The following RHBDF1 variants were observed in gnomAD, a reference collection of about 807,000 sequenced individuals.
The protein encoded by RHBDF1 is rhomboid 5 homolog 1.
RHBDF1 carries 80 observed loss-of-function variants against 98.6 expected under a neutral mutation model. The observed-to-expected ratio is 0.81, with a 90% CI of 0.68 to 0.98. RHBDF1 has a LOEUF of 0.98. Among genes scored for constraint, RHBDF1 ranks in the 50% least tolerant of loss-of-function variants. The pLI, the probability that RHBDF1 is intolerant of heterozygous loss-of-function variation, is 0.00. For synonymous variants in RHBDF1, 512 were observed against 486.8 expected, an observed-to-expected ratio of 1.05 and a Z score of -0.68; for missense variants, 1,116 against 1,198.3, an observed-to-expected ratio of 0.93 and a Z score of 1.01.
chr16:62,422 A>G (rs1421716369), intron 7 of RHBDF1, 116 bp downstream of exon 7: 2 of 1,366,856 alleles, frequency 1.5e-6, no homozygotes, highest in Non-Finnish European at 2.0e-6. Context: ...GTGAGTTCCC[A>G]GTCCCTGAGG....
intron 13 of RHBDF1, 152 bp from the exon 14 acceptor site, chr16:59,978 T>A (rs1897546798): frequency 6.7e-7 from 1 of 1,486,876 alleles, no homozygotes; most frequent in South Asian, 1.4e-5. Flanking sequence ...ACTGAGTCTC[T>A]ATCAAACTGG....
At position 63,631 on chromosome 16, in the gene RHBDF1, G is replaced by A. The variant is rs549798566; in HGVS notation, c.418C>T (p.Pro140Ser). 8.0e-5 allele frequency: 127 copies of A among 1,591,872 alleles called. 2 individuals carry two copies. The highest frequency in any genetic ancestry group is 7.8e-4 in the South Asian group (70 of 89,240). ...DNVSLTSTET[P>S]PPLYVGPCQL... ...CATGGCCCCACGTAGAGTGGGGGTG[G>A]CGTCTCGGTGCTGGTCAGCGACACG... Residue 140 changes from proline to serine, a missense_variant, in exon 4 of 18, where the codon CCA (proline) becomes TCA (serine). Transcript: ENST00000262316.
Position 64,729 on chromosome 16 carries a change from C to T in RHBDF1, c.218G>A (p.Arg73His), listed in dbSNP as rs138142025. ...HHELRRPVLQRQTSITQTIRR... is the reference protein window; with the variant it reads ...HHELRRPVLQHQTSITQTIRR... ...GATGGTCTGTGTGATGGACGTCTGG[C>T]GTTGCAGCACCGGCCGCCGGAGCTC... is the stretch of plus-strand genomic sequence containing the variant. The change falls in exon 3 of 18, where the codon CGC (arginine) becomes CAC (histidine). Residue 73 changes from arginine (R) to histidine (H), a missense_variant. Transcript: ENST00000262316. 41 of 1,613,378 alleles carry T rather than the reference C, an allele frequency of 2.5e-5. No individual in the cohort carries two copies. The highest frequency in any genetic ancestry group is 1.2e-4 in the African/African-American group (9 of 75,026).
In RHBDF1 at chr16:58,285, G is replaced by T; in HGVS notation, c.*55C>A. The T allele has an allele frequency of 6.4e-7, 1 of 1,551,288 alleles. No homozygotes were observed. The highest frequency in any genetic ancestry group is 8.7e-7 in the Non-Finnish European group (1 of 1,143,822). On this transcript the variant is annotated 3_prime_UTR_variant, in exon 18 of 18. Coordinates refer to ENST00000262316, the MANE Select transcript of RHBDF1 (RefSeq NM_022450.5). ...CTGTAAGCCTGTGAGGCTCAGGGAG[G>T]TCGTGTCTGGCTCTGGCCTGCTGGA...
chr16:63,060 G>A lies in RHBDF1; in HGVS notation c.585C>T (p.Ser195=). 1 of 1,612,882 alleles carries A rather than the reference G, an allele frequency of 6.2e-7. No homozygotes were observed. The highest frequency in any genetic ancestry group is 8.5e-7 in the Non-Finnish European group (1 of 1,179,792). The change falls in exon 5 of 18, where the codon TCC becomes TCT. Residue 195 remains serine, a synonymous_variant. Transcript: ENST00000262316. ...GCGGGAGCCGGTGGAAACCTGAGCG[G>A]GAGCTGGAGAAGGAGCAGAGGGAGG... The part of the protein sequence containing the change: ...GAASLCSFSS[S]RSGFHRLPRR...
In RHBDF1 at chr16:64,929, G is replaced by T. The variant is rs376176351; in HGVS notation, c.87C>A (p.Pro29=). The part of the protein sequence containing the change: ...WLKLDIPSAV[P]LTAEEPSFLQ... ...GGAAGCTGGGCTCTTCTGCCGTCAG[G>T]GGCACCGCAGAGGGAATGTCCAGCT... is the stretch of plus-strand genomic sequence containing the variant. Residue 29 remains proline (P), a synonymous_variant, in exon 2 of 18, where the codon CCC becomes CCA. Coordinates refer to ENST00000262316, the MANE Select transcript of RHBDF1 (RefSeq NM_022450.5). 114 of 1,602,246 alleles carry T rather than the reference G, an allele frequency of 7.1e-5. No individual in the cohort carries two copies. The highest frequency in any genetic ancestry group is 1.7e-4 in the Middle Eastern group (1 of 6,036).
At chr16:72,721 C>T, upstream of RHBDF1, 1 of 983,728 alleles carries the variant, frequency 1.0e-6, no homozygotes, top group Non-Finnish European at 1.2e-6. Context: ...CGCCGCCCGC[C>T]TGCCCGGCCC....
chr16:61,841 C>T lies in RHBDF1; in HGVS notation c.1165G>A (p.Asp389Asn). ...TCGATCTGGCGCTTGACGAAGCTGT[C>T]GATGCGCTTGCGGTAGGTGCGGTTG... ...LTNRTYRKRI[D>N]SFVKRQIEDM... The change falls in exon 8 of 18, where the codon GAC (aspartate) becomes AAC (asparagine). Residue 389 changes from aspartate (D) to asparagine (N), a missense_variant. By Grantham distance (23) the Asp-to-Asn change is conservative. Transcript: ENST00000262316. 1 of 1,612,332 alleles carries T rather than the reference C, an allele frequency of 6.2e-7. No homozygotes were observed. Among genetic ancestry groups the T allele is most frequent in the Non-Finnish European group, 8.5e-7 (1 of 1,179,796 alleles).
intron 4 of RHBDF1, 37 bp from the exon 5 acceptor site, chr16:63,219 G>A (rs1002728629): frequency 2.0e-6 from 3 of 1,501,622 alleles, no homozygotes; most frequent in East Asian, 4.9e-5. Context: ...TCAGGACCAT[G>A]GGGGCTCCTA....
intron 2 of RHBDF1, 31 bp downstream of exon 2, chr16:64,868 G>T (rs1318017791): frequency 6.2e-7 from 1 of 1,613,906 alleles, no homozygotes; most frequent in Admixed American, 1.7e-5. Flanking sequence ...TGGACAGGGG[G>T]CACCCACAGT....
chr16:67,975 C>T (rs995228041), intron 1 of RHBDF1, among the ~76,000 whole-genome samples: 9 of 151,932 alleles, frequency 5.9e-5, no homozygotes, highest in South Asian at 2.1e-4. Flanking sequence ...CTGTTTCGGC[C>T]GGGGACCACA....
At chr16:74,777 A>G (rs1898053486), upstream of RHBDF1, 1 of 151,254 alleles carries the variant, frequency 6.6e-6, no homozygotes, top group South Asian at 2.1e-4. Context: ...TACCTTGTGA[A>G]ATTCCTTCTC....
Position 59,245 on chromosome 16 carries a change from T to C in RHBDF1, c.1994+4A>G. 6.3e-7 allele frequency: 1 copy of C among 1,598,012 alleles called. No homozygotes were observed. The highest frequency in any genetic ancestry group is 8.5e-7 in the Non-Finnish European group (1 of 1,170,548). The stretch of plus-strand genomic sequence containing the variant: ...CCCCCGACCCGGCCCACAGTGTCAC[T>C]TGCCCGGCGTGCAGGAAGAGGGATA... On this transcript the variant is annotated splice_donor_region_variant and intron_variant, in intron 16 of 17. Coordinates refer to ENST00000262316, the MANE Select transcript of RHBDF1 (RefSeq NM_022450.5).
chr16:58,747 C>G lies in RHBDF1; in HGVS notation c.2161G>C (p.Gly721Arg). Residue 721 changes from glycine (G) to arginine (R), a missense_variant, in exon 18 of 18, where the codon GGC (glycine) becomes CGC (arginine). Physicochemically the swap from Gly to Arg is moderately radical, Grantham distance 125. Coordinates refer to ENST00000262316, the MANE Select transcript of RHBDF1 (RefSeq NM_022450.5). ...CAGGCCAGGATGCCGAACTGGGAGC[C>G]AGCAGGACCCACCTGGGGGATGGTT... Reference protein sequence around the residue: ...LPYRAEVGPAGSQFGILACLF... With the variant: ...LPYRAEVGPARSQFGILACLF... The G allele has an allele frequency of 1.2e-6, 2 of 1,612,306 alleles. No homozygotes were observed. Among genetic ancestry groups the G allele is most frequent in the Non-Finnish European group, 1.7e-6 (2 of 1,179,584 alleles).
chr16:66,884 C>T (rs981801395), intron 1 of RHBDF1, among the ~76,000 whole-genome samples: 3 of 152,210 alleles, frequency 2.0e-5, no homozygotes, highest in Non-Finnish European at 4.4e-5. Context: ...GCAACAGGGT[C>T]GGACAGAAAG....
chr16:59,689 C>G, intron 14 of RHBDF1, 43 bp downstream of exon 14: 4 of 1,607,810 alleles, frequency 2.5e-6, no homozygotes, highest in Non-Finnish European at 3.4e-6. Context: ...GGGCGATGCT[C>G]TGAGCCCAGA....
At chr16:59,396 C>A in intron 15 of RHBDF1, 23 bp downstream of exon 15, 2 of 1,612,668 alleles carry the variant, frequency 1.2e-6, no homozygotes, top group Non-Finnish European at 1.7e-6. Flanking sequence ...GGGAGGGGAA[C>A]GACGGACACT....
At chr16:71,707 G>C (rs1030375731) in intron 1 of RHBDF1, among the ~76,000 whole-genome samples, 1 of 152,134 alleles carries the variant, frequency 6.6e-6, no homozygotes, top group African/African-American at 2.4e-5. Context: ...GGACCACCTC[G>C]GTCGGAAGCA....
chr16:59,892 G>A (rs552438265), intron 13 of RHBDF1, 66 bp from the exon 14 acceptor site: 3 of 1,608,682 alleles, frequency 1.9e-6, no homozygotes, highest in Admixed American at 1.7e-5. Flanking sequence ...CACCACGTTT[G>A]GGGGTAGAGG....
Sources: gnomAD v4.1 joint callset for allele counts (sites outside exome capture counted in the v4.1 genomes callset) on GRCh38, gnomAD v4.1.1 for gene constraint, MANE v1.5 for transcripts, NCBI Gene and HGNC (gene_info 2026-07-23, HGNC 2026-07-21) for gene names.